The following DISC1 variants were observed in gnomAD, a reference collection of about 807,000 sequenced individuals.
DISC1 encodes the protein DISC1 scaffold protein.
In DISC1, 57 loss-of-function variants were observed where a neutral mutation model predicts 84.5. That is an observed-to-expected ratio of 0.67 (90% CI 0.55 to 0.84). The LOEUF is 0.84. Among genes scored for constraint, DISC1 ranks in the 40% least tolerant of loss-of-function variants. DISC1 has a pLI of 0.00. For missense variants in DISC1, 1,000 were observed against 1,057.8 expected (o/e 0.95, Z 0.76); for synonymous variants, 411 against 415.2 (o/e 0.99, Z 0.12).
Position 231,995,554 on chromosome 1 carries a change from T to C in DISC1, c.2043-13231T>C, listed in dbSNP as rs1195019248. On this transcript the variant is annotated intron_variant, in intron 10 of 12. Transcript: ENST00000439617. The stretch of plus-strand genomic sequence containing the variant: ...CCCTTCCTGTGTCCATGTGTTCTCA[T>C]TGTTCAATTCCCACCTATGAGTGAG... Among the ~76,000 whole-genome samples the C allele has an allele frequency of 3.3e-5, 5 of 152,136 alleles. No homozygotes were observed. In the East Asian group the frequency reaches 9.7e-4, roughly 29 times the overall value.
intron 10 of DISC1, 53 bp downstream of exon 10, chr1:231,958,941 A>G: frequency 6.5e-7 from 1 of 1,546,766 alleles, no homozygotes; most frequent in Non-Finnish European, 8.7e-7. Flanking sequence ...TAGATTCTTT[A>G]TTATAACAGA....
chr1:231,718,368 T>C (rs559378561), intron 3 of DISC1, among the ~76,000 whole-genome samples: 2 of 152,186 alleles, frequency 1.3e-5, no homozygotes, highest in South Asian at 4.2e-4. Context: ...CTTCTTGCCC[T>C]GGCCCTTGCT....
intron 1 of DISC1, among the ~76,000 whole-genome samples, chr1:231,654,323 T>A (rs1340344681): frequency 2.6e-5 from 4 of 152,002 alleles, no homozygotes; most frequent in Non-Finnish European, 5.9e-5. Flanking sequence ...GTTTTTTTTT[T>A]AAATTAATTA....
Position 231,694,340 on chromosome 1 carries a change from G to A in DISC1, c.582G>A (p.Glu194=). ...GCTGCAGCCCTGGCTGTGGCCCTGAGGTCCCCCCAACCCCTCCTGGCTCTC... is the reference window on the plus strand; with the variant it reads ...GCTGCAGCCCTGGCTGTGGCCCTGAAGTCCCCCCAACCCCTCCTGGCTCTC... The part of the protein sequence containing the change: ...SNSCSPGCGP[E]VPPTPPGSHS... The change falls in exon 2 of 13, where the codon GAG becomes GAA. Residue 194 remains glutamate, a synonymous_variant. Coordinates refer to ENST00000439617, the MANE Select transcript of DISC1 (RefSeq NM_018662.3). 1.2e-6 allele frequency: 2 copies of A among 1,614,220 alleles called. No homozygotes were observed. Among genetic ancestry groups the A allele is most frequent in the South Asian group, 2.2e-5 (2 of 91,090 alleles).
rs571476018 is a variant in DISC1, at chr1:231,992,427, G to A, written c.2043-16358G>A. Among the ~76,000 whole-genome samples the A allele has an allele frequency of 2.4e-4, 36 of 152,178 alleles. No individual in the cohort carries two copies. The East Asian group carries it at 3.5e-3, about 15-fold the overall frequency. On this transcript the variant is annotated intron_variant, in intron 10 of 12. Transcript: ENST00000439617. Reference sequence around the variant, plus strand: ...AAATCTAACTCATAGACCATGCAACGTGTTAGAAATATTTTTTTCTAATAT... The same window carrying A: ...AAATCTAACTCATAGACCATGCAACATGTTAGAAATATTTTTTTCTAATAT...
At chr1:231,631,756 AATT>A (rs879903858) in intron 1 of DISC1, among the ~76,000 whole-genome samples, 9 of 151,936 alleles carry the variant, frequency 5.9e-5, no homozygotes, top group African/African-American at 1.7e-4. Context: ...AAAATTTAAA[AATT>A]ATTATATATA....
At chr1:231,866,429 A>T in intron 9 of DISC1, 2 of 699,448 alleles carry the variant, frequency 2.9e-6, no homozygotes, top group South Asian at 3.1e-5. Flanking sequence ...ATTAAAAAAA[A>T]TAACATCAAT....
intron 9 of DISC1, among the ~76,000 whole-genome samples, chr1:231,902,359 G>A (rs2088247164): frequency 6.6e-6 from 1 of 152,130 alleles, no homozygotes. Flanking sequence ...ATCACTATAT[G>A]GGAGGCCGAG....
chr1:231,682,602 A>G (rs937201369), intron 1 of DISC1, among the ~76,000 whole-genome samples: 13 of 152,174 alleles, frequency 8.5e-5, no homozygotes, highest in African/African-American at 2.9e-4. Context: ...GCTGAATTTC[A>G]TCTTCTGCTA....
At chr1:231,684,719 A>G (rs548241807) in intron 1 of DISC1, 4 of 152,284 alleles carry the variant, frequency 2.6e-5, no homozygotes, top group East Asian at 3.9e-4. Context: ...CTGGGCTGAG[A>G]CTGTAGACAA....
At chr1:231,849,122 A>AT (rs35286886) in intron 9 of DISC1, among the ~76,000 whole-genome samples, 21,678 of 141,358 alleles carry the variant, frequency 0.15, 2,295 homozygotes, top group African/African-American at 0.29. Flanking sequence ...TATTATCCTC[A>AT]TTTTTTTTTT....
At chr1:231,966,054 C>T (rs1409866490) in intron 10 of DISC1, among the ~76,000 whole-genome samples, 3 of 152,180 alleles carry the variant, frequency 2.0e-5, no homozygotes, top group Non-Finnish European at 4.4e-5. Context: ...GGCATGTAGT[C>T]AACAGACAAA....
At chr1:231,653,595 A>G (rs1227058052) in intron 1 of DISC1, among the ~76,000 whole-genome samples, 1 of 152,160 alleles carries the variant, frequency 6.6e-6, no homozygotes, top group Non-Finnish European at 1.5e-5. Context: ...GAGGAAAGGA[A>G]ATACATTTGG....
intron 9 of DISC1, among the ~76,000 whole-genome samples, chr1:231,890,756 A>C (rs2087144150): frequency 6.6e-6 from 1 of 152,256 alleles, no homozygotes; most frequent in Non-Finnish European, 1.5e-5. Flanking sequence ...AATTGCAATA[A>C]AAAGGATAAA....
intron 9 of DISC1, among the ~76,000 whole-genome samples, chr1:231,821,245 T>G (rs1354691315): frequency 2.6e-5 from 4 of 152,254 alleles, no homozygotes; most frequent in African/African-American, 9.6e-5. Flanking sequence ...TTGAATCTTC[T>G]GCTTCTTTAT....
At chr1:231,919,713 T>C (rs2089878259) in intron 9 of DISC1, among the ~76,000 whole-genome samples, 1 of 152,232 alleles carries the variant, frequency 6.6e-6, no homozygotes, top group Non-Finnish European at 1.5e-5. Context: ...TTTTTAGCTA[T>C]GTGTAATAGC....
intron 3 of DISC1, chr1:231,724,148 G>A: frequency 3.6e-6 from 2 of 551,146 alleles, no homozygotes; most frequent in Non-Finnish European, 4.6e-6. Flanking sequence ...ATTTGGCTTT[G>A]CATGCTCAAT....
chr1:231,803,315 G>T (rs1054839291), intron 8 of DISC1, among the ~76,000 whole-genome samples: 3 of 152,164 alleles, frequency 2.0e-5, no homozygotes, highest in African/African-American at 7.2e-5. Flanking sequence ...TCAGACACTG[G>T]TATGCATCTC....
intron 9 of DISC1, among the ~76,000 whole-genome samples, chr1:231,835,785 C>G (rs12744978): frequency 0.23 from 34,998 of 152,090 alleles, 4,314 homozygotes; most frequent in Non-Finnish European, 0.26. Flanking sequence ...ATTAACCCCT[C>G]ATCATGATTA....
Sources: gnomAD v4.1 joint callset for allele counts (sites outside exome capture counted in the v4.1 genomes callset) on GRCh38, gnomAD v4.1.1 for gene constraint, MANE v1.5 for transcripts, NCBI Gene and HGNC (gene_info 2026-07-23, HGNC 2026-07-21) for gene names.